The following FGF3 variants were observed in gnomAD, a reference collection of about 807,000 sequenced individuals.
The protein encoded by FGF3 is fibroblast growth factor 3.
Under a neutral mutation model 9.8 loss-of-function variants are expected in FGF3, and 7 were observed. The ratio of observed to expected loss-of-function variants is 0.72; its 90% confidence interval spans 0.41 to 1.35. FGF3 has a LOEUF of 1.35. FGF3 is among the 40% of genes most tolerant of loss of function. The pLI, the probability that FGF3 is intolerant of heterozygous loss-of-function variation, is 0.01. For missense variants in FGF3, 390 were observed against 345.6 expected (o/e 1.13, Z -1.02); for synonymous variants, 173 against 157.2 (o/e 1.10, Z -0.75).
At position 69,818,804 on chromosome 11, in the gene FGF3, G is replaced by C; in HGVS notation, c.130C>G (p.Arg44Gly). Residue 44 changes from arginine to glycine, a missense_variant, in exon 1 of 3, where the codon CGG becomes GGG. Arg to Gly is a moderately radical substitution (Grantham distance 125). Transcript: ENST00000334134. ...GVYEHLGGAP[R>G]RRKLYCATKY... ...GTGGCGCAGTAGAGCTTGCGGCGCC[G>C]GGGCGCCCCGCCAAGGTGCTCGTAG... The C allele has an allele frequency of 6.7e-7, 1 of 1,491,286 alleles. No homozygotes were observed. Among genetic ancestry groups the C allele is most frequent in the Non-Finnish European group, 8.9e-7 (1 of 1,127,462 alleles). The allele number at this position is 1,491,286 out of a possible 1,614,324, so 92.4% of individuals were successfully genotyped here. A position where few individuals can be genotyped will look rare whatever the true frequency, so the allele number is the denominator to read the frequency against.
In FGF3 at chr11:69,818,953, C is replaced by G. The variant is rs981524683; in HGVS notation, c.-20G>C. ...GCCCATCGTGGCATCGCGCCCGCCC[C>G]GCGGCGGCGGCGGCTGCAGGCGAGC... On this transcript the variant is annotated 5_prime_UTR_variant, in exon 1 of 3. Coordinates refer to ENST00000334134, the MANE Select transcript of FGF3 (RefSeq NM_005247.4). The G allele has an allele frequency of 2.1e-6, 3 of 1,444,258 alleles. No homozygotes were observed. The highest frequency in any genetic ancestry group is 2.7e-6 in the Non-Finnish European group (3 of 1,098,710). 89.5% of individuals were successfully genotyped at this position (1,444,258 alleles called of 1,614,324 possible).
intron 1 of FGF3, among the ~76,000 whole-genome samples, chr11:69,818,418 T>C (rs1455189812): frequency 6.6e-6 from 1 of 152,096 alleles, no homozygotes; most frequent in Non-Finnish European, 1.5e-5. Context: ...GGACGGACTC[T>C]GACAGCCGCC....
At position 69,819,009 on chromosome 11, in the gene FGF3, C is replaced by A; in HGVS notation, c.-76G>T. On this transcript the variant is annotated 5_prime_UTR_variant, in exon 1 of 3. Transcript: ENST00000334134. ...GCCCATGGAAGGGGCGGCAGCCGGA[C>A]AGCTGCGAGGTGCTCGGAGCGGGAT... 1 of 1,011,190 alleles carries A rather than the reference C, an allele frequency of 9.9e-7. No homozygotes were observed. The highest frequency in any genetic ancestry group is 1.8e-5 in the South Asian group (1 of 55,498). 62.6% of individuals were successfully genotyped at this position (1,011,190 alleles called of 1,614,324 possible).
chr11:69,818,978 C>T lies in FGF3; in HGVS notation c.-45G>A, dbSNP rs1554981476. 7.5e-7 allele frequency: 1 copy of T among 1,339,732 alleles called. No homozygotes were observed. 83.0% of individuals were successfully genotyped at this position (1,339,732 alleles called of 1,614,324 possible). On this transcript the variant is annotated 5_prime_UTR_variant, in exon 1 of 3. Coordinates refer to ENST00000334134, the MANE Select transcript of FGF3 (RefSeq NM_005247.4). ...CGCGGCGGCGGCGGCTGCAGGCGAG[C>T]GCGGCGCCCATGGAAGGGGCGGCAG...
At position 69,813,720 on chromosome 11, in the gene FGF3, G is replaced by C. The variant is rs1172572560; in HGVS notation, c.324+2600C>G. Among the ~76,000 whole-genome samples, 123 of 114,292 alleles carry C rather than the reference G, an allele frequency of 1.1e-3. 2 individuals carry two copies. Among genetic ancestry groups the C allele is most frequent in the African/African-American group, 3.3e-3 (95 of 29,020 alleles). The allele number at this position is 114,292 out of a possible 152,430, so 75.0% of individuals were successfully genotyped here. A position where few individuals can be genotyped will look rare whatever the true frequency, so the allele number is the denominator to read the frequency against. Reference sequence around the variant, plus strand: ...GATGGATAGGTGGATGGATGGATAGGTGGATGGATGGATGGGTGGATGGCT... The same window carrying C: ...GATGGATAGGTGGATGGATGGATAGCTGGATGGATGGATGGGTGGATGGCT... On this transcript the variant is annotated intron_variant, in intron 2 of 2. Coordinates refer to ENST00000334134, the MANE Select transcript of FGF3 (RefSeq NM_005247.4).
chr11:69,816,251 C>A (rs1856130575), intron 2 of FGF3, 69 bp downstream of exon 2: 6 of 1,202,216 alleles, frequency 5.0e-6, no homozygotes, highest in Non-Finnish European at 7.4e-6. Flanking sequence ...CATCCCCCGT[C>A]CCCTGGCTTG....
intron 2 of FGF3, among the ~76,000 whole-genome samples, chr11:69,812,150 C>T (rs10908228): frequency 0.2 from 29,904 of 152,074 alleles, 3,632 homozygotes; most frequent in East Asian, 0.4. Context: ...AGGCAGACAG[C>T]AGGATCTCTC....
At chr11:69,816,511 G>T in intron 1 of FGF3, 88 bp from the exon 2 acceptor site, 2 of 974,464 alleles carry the variant, frequency 2.1e-6, no homozygotes, top group South Asian at 2.6e-5. Flanking sequence ...GCCACACCCC[G>T]GGCTCAGGGC....
chr11:69,810,816 C>T (rs1421194809), intron 2 of FGF3, 116 bp from the exon 3 acceptor site: 1 of 871,090 alleles, frequency 1.1e-6, no homozygotes, highest in Admixed American at 2.9e-5. Flanking sequence ...AGTGCCAAAC[C>T]CCAGCGCACT....
At chr11:69,817,835 C>T (rs1165899043) in intron 1 of FGF3, among the ~76,000 whole-genome samples, 6 of 152,204 alleles carry the variant, frequency 3.9e-5, no homozygotes, top group African/African-American at 7.2e-5. Context: ...CTATCCTGCT[C>T]CTCAAAGGGC....
Position 69,810,047 on chromosome 11 carries a change from A to T in FGF3, c.*258T>A. 1 of 456,844 alleles carries T rather than the reference A, an allele frequency of 2.2e-6. No individual in the cohort carries two copies. The highest frequency in any genetic ancestry group is 5.2e-5 in the South Asian group (1 of 19,070). 28.3% of individuals were successfully genotyped at this position (456,844 alleles called of 1,614,324 possible). A position where few individuals can be genotyped will look rare whatever the true frequency, so the allele number is the denominator to read the frequency against. ...CTCCTGGGAGGCTCCTCAGTCTGCC[A>T]GGGCTGGCACTCAGGCCCTTCCCTG... On this transcript the variant is annotated 3_prime_UTR_variant, in exon 3 of 3. Transcript: ENST00000334134.
intron 2 of FGF3, among the ~76,000 whole-genome samples, chr11:69,814,537 G>A (rs530350668): frequency 2.6e-5 from 4 of 152,208 alleles, no homozygotes; most frequent in African/African-American, 7.2e-5. Context: ...GGCCCACAGT[G>A]AGATGAGCTG....
rs369001003 is a variant in FGF3, at chr11:69,816,320, C to G, written c.324G>C (p.Ser108=). 5 of 1,612,420 alleles carry G rather than the reference C, an allele frequency of 3.1e-6. No individual in the cohort carries two copies. The African/African-American group carries it at 5.3e-5, about 17-fold the overall frequency. ...CACCCACGTGACAGCCTGGACTCAC[C>G]GAAGCATAGAGTCGTCCCCTCTTGT... ...AMNKRGRLYA[S]EHYSAECEFV... is the part of the protein sequence containing the mutation. Residue 108 remains serine (S), a splice_region_variant and synonymous_variant, in exon 2 of 3, where the codon TCG becomes TCC. Transcript: ENST00000334134.
intron 2 of FGF3, among the ~76,000 whole-genome samples, chr11:69,812,205 T>C (rs767391252): frequency 2.6e-5 from 4 of 152,164 alleles, no homozygotes; most frequent in Non-Finnish European, 4.4e-5. Context: ...GAGGCCCTCA[T>C]GGTCTGTCCC....
At chr11:69,815,588 T>TG (rs1208459550) in intron 2 of FGF3, among the ~76,000 whole-genome samples, 5 of 152,164 alleles carry the variant, frequency 3.3e-5, no homozygotes. Flanking sequence ...TACTCATGGA[T>TG]GGAAAACCTC....
intron 1 of FGF3, among the ~76,000 whole-genome samples, 200 bp downstream of exon 1, chr11:69,818,514 G>A (rs1419653011): frequency 1.3e-5 from 2 of 152,068 alleles, no homozygotes; most frequent in Non-Finnish European, 2.9e-5. Context: ...TGTAGGTTGA[G>A]GAGGGCACCC....
At chr11:69,810,997 G>A (rs571710500) in intron 2 of FGF3, among the ~76,000 whole-genome samples, 12 of 152,364 alleles carry the variant, frequency 7.9e-5, no homozygotes, top group African/African-American at 2.6e-4. Flanking sequence ...TCCCCCATCT[G>A]AGGGCGCTGA....
chr11:69,814,589 C>T (rs374070759), intron 2 of FGF3, among the ~76,000 whole-genome samples: 8 of 152,032 alleles, frequency 5.3e-5, no homozygotes, highest in African/African-American at 2.4e-5. Flanking sequence ...CAGGGAGCCC[C>T]GTGGTGGGAC....
Position 69,810,109 on chromosome 11 carries a change from A to G in FGF3, c.*196T>C. 1 of 568,594 alleles carries G rather than the reference A, an allele frequency of 1.8e-6. No homozygotes were observed. The highest frequency in any genetic ancestry group is 3.0e-6 in the Non-Finnish European group (1 of 329,892). The allele number at this position is 568,594 out of a possible 1,614,324, so 35.2% of individuals were successfully genotyped here. ...CCACACAGACCCACAAATGCCCTGCATTGCAGGCAGCCCCCTCCGAGCTCC... is the reference window on the plus strand; with the variant it reads ...CCACACAGACCCACAAATGCCCTGCGTTGCAGGCAGCCCCCTCCGAGCTCC... On this transcript the variant is annotated 3_prime_UTR_variant, in exon 3 of 3. Coordinates refer to ENST00000334134, the MANE Select transcript of FGF3 (RefSeq NM_005247.4).
Sources: allele counts gnomAD v4.1 joint callset (sites outside exome capture counted in the v4.1 genomes callset), GRCh38; gene constraint gnomAD v4.1.1; transcripts MANE v1.5; gene names NCBI Gene and HGNC (gene_info 2026-07-23, HGNC 2026-07-21).